ANKRD22: variants seen among roughly 807,000 people sequenced by gnomAD.
ANKRD22 encodes the protein ankyrin repeat domain 22, also known as ankyrin repeat domain-containing protein 22.
In ANKRD22, 24 loss-of-function variants were observed where a neutral mutation model predicts 25.7. The observed-to-expected ratio is 0.93, with a 90% CI of 0.68 to 1.31. The LOEUF (loss-of-function observed/expected upper bound fraction) is 1.31, where lower values mean the gene tolerates loss of function less well. Ranked by LOEUF, ANKRD22 falls within the 50% of genes most tolerant of loss-of-function variation. The pLI is 0.00. For missense variants in ANKRD22, 214 were observed against 227.1 expected (o/e 0.94, Z 0.37); for synonymous variants, 84 against 84.3 (o/e 1.00, Z 0.02).
At chr10:88,843,875 C>T (rs1323343472) in intron 1 of ANKRD22, among the ~76,000 whole-genome samples, 1 of 152,138 alleles carries the variant, frequency 6.6e-6, no homozygotes, top group Non-Finnish European at 1.5e-5. Context: ...GTTTATTAAA[C>T]CGACATTTAG....
intron 1 of ANKRD22, among the ~76,000 whole-genome samples, chr10:88,834,281 A>G (rs1387531531): frequency 6.6e-6 from 1 of 152,264 alleles, no homozygotes; most frequent in Non-Finnish European, 1.5e-5. Flanking sequence ...ATTTCATAAA[A>G]GATATTTTAA....
intron 1 of ANKRD22, among the ~76,000 whole-genome samples, chr10:88,833,098 C>A (rs17113476): frequency 6.6e-6 from 1 of 152,160 alleles, no homozygotes; most frequent in African/African-American, 2.4e-5. Flanking sequence ...GTATTTAGGG[C>A]TAGCATGAAT....
In ANKRD22 at chr10:88,828,589, C is replaced by A; in HGVS notation, c.291G>T (p.Met97Ile). 1 of 1,610,152 alleles carries A rather than the reference C, an allele frequency of 6.2e-7. No homozygotes were observed. The highest frequency in any genetic ancestry group is 8.5e-7 in the Non-Finnish European group (1 of 1,177,244). The change falls in exon 3 of 6, where the codon ATG becomes ATT. Residue 97 changes from methionine to isoleucine, a missense_variant. Physicochemically the swap from Met to Ile is conservative, Grantham distance 10. Coordinates refer to ENST00000371930, the MANE Select transcript of ANKRD22 (RefSeq NM_144590.3). ...FIDYLLIILL[M>I]PVLLIGYFLM... ...GGAAATACCCAATAAGCAGAACAGG[C>A]ATTAAGAGGATAATTAGTAGATAAT... is the stretch of plus-strand genomic sequence containing the variant.
rs113459404 is a variant in ANKRD22, at chr10:88,849,006, A to ATGTG, written c.21+2577_21+2580dup. ...TTTAAGTTTGTGTGTGTGCATGTGCATGTGTGTGTGTGTGTGTGTGTGGGT... is the reference window on the plus strand; with the variant it reads ...TTTAAGTTTGTGTGTGTGCATGTGCATGTGTGTGTGTGTGTGTGTGTGTGTGGGT... On this transcript the variant is annotated intron_variant, in intron 1 of 5. Transcript: ENST00000371930. 8.1e-3 allele frequency among the ~76,000 whole-genome samples: 1,208 copies of ATGTG among 149,178 alleles called. 13 individuals are homozygous for ATGTG. Among genetic ancestry groups the ATGTG allele is most frequent in the South Asian group, 0.039 (183 of 4,708 alleles).
At chr10:88,847,040 A>G (rs2133082736) in intron 1 of ANKRD22, among the ~76,000 whole-genome samples, 1 of 152,264 alleles carries the variant, frequency 6.6e-6, no homozygotes, top group Middle Eastern at 3.4e-3. Context: ...GTTCATCGTG[A>G]TAGATCTTTT....
At chr10:88,849,284 C>T (rs1844081923) in intron 1 of ANKRD22, among the ~76,000 whole-genome samples, 1 of 152,082 alleles carries the variant, frequency 6.6e-6, no homozygotes, top group African/African-American at 2.4e-5. Flanking sequence ...TGCAAGGTAG[C>T]AGTAGAATGT....
At chr10:88,835,423 G>A (rs1398557848) in intron 1 of ANKRD22, among the ~76,000 whole-genome samples, 1 of 152,138 alleles carries the variant, frequency 6.6e-6, no homozygotes, top group African/African-American at 2.4e-5. Flanking sequence ...AGGTGATTTT[G>A]TCATTGTGGG....
chr10:88,843,877 G>T (rs1164466384), intron 1 of ANKRD22, among the ~76,000 whole-genome samples: 1 of 152,060 alleles, frequency 6.6e-6, no homozygotes, highest in African/African-American at 2.4e-5. Context: ...TTATTAAACC[G>T]ACATTTAGGT....
chr10:88,835,996 C>G (rs1380038351), intron 1 of ANKRD22, among the ~76,000 whole-genome samples: 2 of 152,204 alleles, frequency 1.3e-5, no homozygotes, highest in African/African-American at 4.8e-5. Flanking sequence ...AAGAAACACA[C>G]TTGGGAAATT....
chr10:88,851,388 A>G (rs919090953), intron 1 of ANKRD22, among the ~76,000 whole-genome samples, 199 bp downstream of exon 1: 2 of 152,238 alleles, frequency 1.3e-5, no homozygotes, highest in Non-Finnish European at 2.9e-5. Context: ...ATATTTTAGA[A>G]TTACAAAATA....
At chr10:88,837,177 C>T (rs1214555) in intron 1 of ANKRD22, among the ~76,000 whole-genome samples, 63,041 of 151,960 alleles carry the variant, frequency 0.41, 14,265 homozygotes, top group African/African-American at 0.61. Context: ...CTCAACTCTG[C>T]GACTTAACAG....
chr10:88,820,610 T>C lies in ANKRD22; in HGVS notation c.*2331A>G, dbSNP rs926347737. On this transcript the variant is annotated 3_prime_UTR_variant, in exon 6 of 6. Transcript: ENST00000371930. ...CCTAGTATACATTTTTCAGATTCCC[T>C]GCACTTGGCACTAAATCCGACACTT... is the stretch of plus-strand genomic sequence containing the variant. 2.7e-6 allele frequency: 3 copies of C among 1,091,372 alleles called. No homozygotes were observed. Among genetic ancestry groups the C allele is most frequent in the Admixed American group, 5.9e-5 (2 of 34,084 alleles). 67.6% of individuals were successfully genotyped at this position (1,091,372 alleles called of 1,614,324 possible). A position where few individuals can be genotyped will look rare whatever the true frequency, so the allele number is the denominator to read the frequency against.
intron 1 of ANKRD22, among the ~76,000 whole-genome samples, chr10:88,833,906 A>G (rs1475740590): frequency 6.6e-6 from 1 of 152,244 alleles, no homozygotes; most frequent in African/African-American, 2.4e-5. Flanking sequence ...TCAGAAAAAC[A>G]GGATGTAATT....
intron 1 of ANKRD22, among the ~76,000 whole-genome samples, chr10:88,838,392 TAA>T (rs1366871978): frequency 6.6e-6 from 1 of 152,116 alleles, no homozygotes; most frequent in African/African-American, 2.4e-5. Context: ...GTAAGCCAGA[TAA>T]AGACAAATGA....
intron 1 of ANKRD22, among the ~76,000 whole-genome samples, chr10:88,851,203 A>G (rs1444256055): frequency 1.3e-5 from 2 of 152,152 alleles, no homozygotes; most frequent in African/African-American, 4.8e-5. Context: ...TCCATAAAAG[A>G]GGCAGTCAAT....
At chr10:88,831,789 G>T (rs1249220352) in intron 2 of ANKRD22, 46 bp downstream of exon 2, 2 of 1,500,810 alleles carry the variant, frequency 1.3e-6, no homozygotes, top group Non-Finnish European at 1.8e-6. Context: ...AAAGAGAAAA[G>T]AATTATCATG....
chr10:88,833,311 G>A (rs1843924385), intron 1 of ANKRD22, among the ~76,000 whole-genome samples: 1 of 151,352 alleles, frequency 6.6e-6, no homozygotes, highest in Non-Finnish European at 1.5e-5. Flanking sequence ...GGTGCTTAGT[G>A]TATGAAAGTT....
Position 88,828,543 on chromosome 10 carries a change from C to G in ANKRD22, c.321+16G>C. Reference sequence around the variant, plus strand: ...ATCTCCACATTTGCCCTTTGCTCTACAAGTGTTGTACTCACCATGAGGAAA... The same window carrying G: ...ATCTCCACATTTGCCCTTTGCTCTAGAAGTGTTGTACTCACCATGAGGAAA... On this transcript the variant is annotated intron_variant, in intron 3 of 5. Coordinates refer to ENST00000371930, the MANE Select transcript of ANKRD22 (RefSeq NM_144590.3). The G allele has an allele frequency of 6.4e-7, 1 of 1,556,128 alleles. No homozygotes were observed. Among genetic ancestry groups the G allele is most frequent in the Non-Finnish European group, 8.8e-7 (1 of 1,130,440 alleles).
intron 1 of ANKRD22, among the ~76,000 whole-genome samples, chr10:88,835,649 C>G (rs560223952): frequency 1.6e-4 from 24 of 152,176 alleles, no homozygotes; most frequent in African/African-American, 5.3e-4. Context: ...AATGGTACAC[C>G]TGTATAGGGC....
Sources: gnomAD v4.1 joint callset for allele counts (sites outside exome capture counted in the v4.1 genomes callset) on GRCh38, gnomAD v4.1.1 for gene constraint, MANE v1.5 for transcripts, NCBI Gene and HGNC (gene_info 2026-07-23, HGNC 2026-07-21) for gene names.